Variants in SLC35E1 observed in about 807,000 individuals in gnomAD.
SLC35E1 encodes solute carrier family 35 member E1, also known as solute carrier family 35, member E1.
SLC35E1 carries 12 observed loss-of-function variants against 31.0 expected under a neutral mutation model. The observed-to-expected ratio is 0.39, with a 90% confidence interval of 0.25 to 0.63. The LOEUF (loss-of-function observed/expected upper bound fraction) is 0.63, where lower values mean the gene tolerates loss of function less well. SLC35E1 is among the 20% of genes least tolerant of loss of function. The pLI, the probability that SLC35E1 is intolerant of heterozygous loss-of-function variation, is 0.52. For synonymous variants in SLC35E1, 257 were observed against 264.1 expected (o/e 0.97, Z 0.26); for missense variants, 429 against 572.2 (o/e 0.75, Z 2.55).
At chr19:16,568,967 C>G (rs1266695551) in intron 2 of SLC35E1, among the ~76,000 whole-genome samples, 1 of 152,176 alleles carries the variant, frequency 6.6e-6, no homozygotes, top group East Asian at 1.9e-4. Context: ...TTGGGAGGCT[C>G]CTGTGCTGTG....
At chr19:16,561,384 C>T (rs2085905929) in intron 4 of SLC35E1, among the ~76,000 whole-genome samples, 1 of 152,126 alleles carries the variant, frequency 6.6e-6, no homozygotes, top group African/African-American at 2.4e-5. Flanking sequence ...TTCTGAGCTG[C>T]CTCATGTCCA....
At chr19:16,563,263 G>A (rs1266919072) in intron 4 of SLC35E1, among the ~76,000 whole-genome samples, 1 of 151,170 alleles carries the variant, frequency 6.6e-6, no homozygotes, top group African/African-American at 2.4e-5. Context: ...GGCGGAGGCT[G>A]CAGTGAGCCG....
chr19:16,556,515 A>C (rs965759549), intron 4 of SLC35E1, among the ~76,000 whole-genome samples: 8 of 151,988 alleles, frequency 5.3e-5, no homozygotes, highest in African/African-American at 1.9e-4. Flanking sequence ...TTTCAAAAAA[A>C]CCCCACAAAA....
chr19:16,558,496 C>T (rs371754441), intron 4 of SLC35E1, among the ~76,000 whole-genome samples: 2 of 151,944 alleles, frequency 1.3e-5, no homozygotes, highest in South Asian at 4.1e-4. Flanking sequence ...CGCACCACAC[C>T]TGGCTAATTT....
intron 4 of SLC35E1, chr19:16,565,521 TTTTC>T (rs1397614811): frequency 6.2e-6 from 1 of 160,622 alleles, no homozygotes; most frequent in African/African-American, 2.5e-5. Context: ...GCGCATGTTT[TTTTC>T]TTTTTTTTTT....
intron 2 of SLC35E1, among the ~76,000 whole-genome samples, chr19:16,570,162 A>C (rs1384118583): frequency 6.6e-6 from 1 of 152,182 alleles, no homozygotes; most frequent in Non-Finnish European, 1.5e-5. Flanking sequence ...TCCTTGCCCA[A>C]GCTGGGTACA....
rs2085855733 is a variant in SLC35E1, at chr19:16,553,399, G to C, written c.*280C>G. ...ACATGGAAAGGTACAACGTGGCCAA[G>C]ATCTCCGCAGGGACACGGCCCTCAG... On this transcript the variant is annotated 3_prime_UTR_variant, in exon 6 of 6. Transcript: ENST00000595753. 1 of 272,100 alleles carries C rather than the reference G, an allele frequency of 3.7e-6. No individual in the cohort carries two copies. The highest frequency in any genetic ancestry group is 2.2e-5 in the African/African-American group (1 of 45,682). The allele number at this position is 272,100 out of a possible 1,614,324, so 16.9% of individuals were successfully genotyped here.
At chr19:16,570,598 C>G (rs1020319152) in intron 2 of SLC35E1, among the ~76,000 whole-genome samples, 3 of 152,200 alleles carry the variant, frequency 2.0e-5, no homozygotes, top group Non-Finnish European at 2.9e-5. Flanking sequence ...GGCTTGGCAT[C>G]TTGAACAGAA....
intron 2 of SLC35E1, among the ~76,000 whole-genome samples, chr19:16,570,620 C>T (rs533773741): frequency 6.6e-6 from 1 of 152,308 alleles, no homozygotes; most frequent in African/African-American, 2.4e-5. Flanking sequence ...TTGGACTGTG[C>T]CCAAAGCATC....
chr19:16,567,074 G>A (rs1362108970), intron 3 of SLC35E1, among the ~76,000 whole-genome samples: 1 of 152,168 alleles, frequency 6.6e-6, no homozygotes, highest in Non-Finnish European at 1.5e-5. Flanking sequence ...CATCACACAC[G>A]TGATTGTTTC....
chr19:16,568,024 C>T lies in SLC35E1; in HGVS notation c.630+8G>A. Reference sequence around the variant, plus strand: ...CCCCATGCATGTCCGCTGATGGTGACCAAATACCTTTTTGGAGAAAATGTT... The same window carrying T: ...CCCCATGCATGTCCGCTGATGGTGATCAAATACCTTTTTGGAGAAAATGTT... On this transcript the variant is annotated splice_region_variant and intron_variant, in intron 3 of 5. Transcript: ENST00000595753. The T allele has an allele frequency of 6.2e-7, 1 of 1,606,766 alleles. No individual in the cohort carries two copies. The highest frequency in any genetic ancestry group is 1.1e-5 in the South Asian group (1 of 90,196).
At chr19:16,569,805 C>T (rs139800539) in intron 2 of SLC35E1, among the ~76,000 whole-genome samples, 42 of 152,276 alleles carry the variant, frequency 2.8e-4, no homozygotes, top group African/African-American at 1.0e-3. Context: ...GATCGCACCA[C>T]GGCACTCCAA....
chr19:16,562,644 A>G (rs1045560403), intron 4 of SLC35E1, among the ~76,000 whole-genome samples: 4 of 152,100 alleles, frequency 2.6e-5, no homozygotes, highest in Admixed American at 6.6e-5. Flanking sequence ...TCTACCATAT[A>G]TTTTCAATTC....
rs780089570 is a variant in SLC35E1, at chr19:16,550,120, C to T, written c.*3559G>A. The T allele has an allele frequency of 1.3e-5, 2 of 152,150 alleles. No homozygotes were observed. Among genetic ancestry groups the T allele is most frequent in the Non-Finnish European group, 2.9e-5 (2 of 68,036 alleles). The allele number at this position is 152,150 out of a possible 1,614,324, so 9.4% of individuals were successfully genotyped here. A position where few individuals can be genotyped will look rare whatever the true frequency, so the allele number is the denominator to read the frequency against. On this transcript the variant is annotated 3_prime_UTR_variant, in exon 6 of 6. Transcript: ENST00000595753. ...AACTGCAAGTGCTTCCTCACTTGAACGGATCTGGCCCCTTTGTGGTAGGGG... is the reference window on the plus strand; with the variant it reads ...AACTGCAAGTGCTTCCTCACTTGAATGGATCTGGCCCCTTTGTGGTAGGGG...
At chr19:16,565,031 A>C (rs1417139216) in intron 4 of SLC35E1, 10 of 443,190 alleles carry the variant, frequency 2.3e-5, no homozygotes, top group African/African-American at 2.0e-4. Flanking sequence ...CTCAATAAAT[A>C]TTTACTTTTC....
At position 16,555,136 on chromosome 19, in the gene SLC35E1, C is replaced by T; in HGVS notation, c.1002+16G>A. ...GGGGCCGGCTTCCTTCCCTGCCCAG[C>T]CTCTCAGACTCTCACCTTGTTATAG... On this transcript the variant is annotated intron_variant, in intron 5 of 5. Transcript: ENST00000595753. The surrounding 1 kb of genome is among the most constrained non-coding windows in gnomAD (Gnocchi z 4.1). The T allele has an allele frequency of 3.1e-6, 5 of 1,613,428 alleles. No individual in the cohort carries two copies. The highest frequency in any genetic ancestry group is 3.4e-6 in the Non-Finnish European group (4 of 1,179,558).
chr19:16,559,886 G>C (rs932395731), intron 4 of SLC35E1, among the ~76,000 whole-genome samples: 1 of 152,050 alleles, frequency 6.6e-6, no homozygotes, highest in African/African-American at 2.4e-5. Context: ...TGGAATCCCG[G>C]GCATTTCGCA....
chr19:16,565,109 T>G (rs1342688745), intron 4 of SLC35E1: 1 of 456,478 alleles, frequency 2.2e-6, no homozygotes, highest in African/African-American at 2.0e-5. Context: ...CATTCATTTA[T>G]AACACATTCT....
intron 2 of SLC35E1, among the ~76,000 whole-genome samples, chr19:16,570,448 A>C (rs1379850928): frequency 6.6e-6 from 1 of 152,248 alleles, no homozygotes; most frequent in East Asian, 1.9e-4. Flanking sequence ...ACCACTTGGA[A>C]AAGAGGCACG....
Sources: allele counts gnomAD v4.1 joint callset (sites outside exome capture counted in the v4.1 genomes callset), GRCh38; gene constraint gnomAD v4.1.1; non-coding constraint Gnocchi (gnomAD v3.1); transcripts MANE v1.5; gene names NCBI Gene and HGNC (gene_info 2026-07-23, HGNC 2026-07-21).